PLG: variants seen among roughly 807,000 people sequenced by gnomAD.
PLG encodes the protein plasminogen, also known as plasmin.
A neutral mutation model predicts 104.4 loss-of-function variants in PLG; 41 were observed. That is an observed-to-expected ratio of 0.39 (90% CI 0.31 to 0.51). PLG has a LOEUF of 0.51. PLG is among the 20% of genes least tolerant of loss of function. PLG has a pLI of 0.76. For missense variants in PLG, 891 were observed against 1,003.6 expected, an observed-to-expected ratio of 0.89 and a Z score of 1.52; for synonymous variants, 337 against 357.1, an observed-to-expected ratio of 0.94 and a Z score of 0.63.
chr6:160,714,684 G>A, intron 5 of PLG, 110 bp from the exon 6 acceptor site: 2 of 1,005,352 alleles, frequency 2.0e-6, no homozygotes, highest in South Asian at 2.8e-5. Context: ...ACATCGGAAT[G>A]AGAGGCAAGT....
chr6:160,753,434 G>A lies in PLG; in HGVS notation c.*373G>A, dbSNP rs189281351. 8.7e-5 allele frequency: 31 copies of A among 354,490 alleles called. No homozygotes were observed. In the East Asian group the frequency reaches 2.0e-3, roughly 23 times the overall value. 22.0% of individuals were successfully genotyped at this position (354,490 alleles called of 1,614,324 possible). A position where few individuals can be genotyped will look rare whatever the true frequency, so the allele number is the denominator to read the frequency against. ...GAGCAGGCTGCAAGGTCACAGAGGG[G>A]AGAGCCAAGAAGTTGTCCACGCATT... On this transcript the variant is annotated 3_prime_UTR_variant, in exon 19 of 19. Transcript: ENST00000308192. This position sits in a 1 kb window ranked among gnomAD's most constrained non-coding sequence, Gnocchi z 5.4.
rs1778114625 is a variant in PLG, at chr6:160,737,944, A to C, written c.1803-594A>C. On this transcript the variant is annotated intron_variant, in intron 14 of 18. Coordinates refer to ENST00000308192, the MANE Select transcript of PLG (RefSeq NM_000301.5). This position sits in a 1 kb window ranked among gnomAD's most constrained non-coding sequence, Gnocchi z 4.7. ...ACTTATCAACATGCTACCATCATGC[A>C]CTTCCTATCTCTATTCCTCTTCTTT... Among the ~76,000 whole-genome samples the C allele has an allele frequency of 6.7e-6, 1 of 149,960 alleles. No homozygotes were observed. Among genetic ancestry groups the C allele is most frequent in the South Asian group, 2.1e-4 (1 of 4,798 alleles).
chr6:160,711,607 A>C (rs1429098950), intron 4 of PLG: 1 of 1,610,258 alleles, frequency 6.2e-7, no homozygotes, highest in Non-Finnish European at 8.5e-7. Flanking sequence ...TTTGATGTCG[A>C]TGTTCAACTA....
rs375134000 is a variant in PLG at position 160,741,285 on chromosome 6, C to T, written c.2019-26C>T. On this transcript the variant is annotated intron_variant, in intron 16 of 18. Transcript: ENST00000308192. This position sits in a 1 kb window ranked among gnomAD's most constrained non-coding sequence, Gnocchi z 4.7. ...TGCAGCTGCGAGCAGAGCAGTCAAACATAACTGCTGATGCTTTTCTTTCAG... is the reference window on the plus strand; with the variant it reads ...TGCAGCTGCGAGCAGAGCAGTCAAATATAACTGCTGATGCTTTTCTTTCAG... 22 of 1,440,386 alleles carry T rather than the reference C, an allele frequency of 1.5e-5. No individual in the cohort carries two copies. Among genetic ancestry groups the T allele is most frequent in the Admixed American group, 5.0e-5 (3 of 59,786 alleles). The allele number at this position is 1,440,386 out of a possible 1,614,324, so 89.2% of individuals were successfully genotyped here.
At chr6:160,713,516 G>A in intron 5 of PLG, 1 of 235,970 alleles carries the variant, frequency 4.2e-6, no homozygotes, top group South Asian at 5.7e-5. Context: ...TGATCCGCCT[G>A]CCTCAGCCTC....
intron 1 of PLG, chr6:160,705,415 AC>A: frequency 6.6e-6 from 1 of 152,248 alleles, no homozygotes; most frequent in Non-Finnish European, 1.5e-5. Context: ...AAAAACCAAG[AC>A]CAGTATTTGT....
At chr6:160,751,910 C>A (rs783173) in intron 17 of PLG, among the ~76,000 whole-genome samples, 1 of 151,988 alleles carries the variant, frequency 6.6e-6, no homozygotes, top group Non-Finnish European at 1.5e-5. Flanking sequence ...CGACAAAGCC[C>A]AGATTGTTAA....
rs1321091242 is a variant in PLG, at chr6:160,726,160, A to G, written c.1256+3593A>G. Among the ~76,000 whole-genome samples the G allele has an allele frequency of 2.0e-5, 3 of 152,182 alleles. No individual in the cohort carries two copies. Among genetic ancestry groups the G allele is most frequent in the Non-Finnish European group, 4.4e-5 (3 of 67,966 alleles). On this transcript the variant is annotated intron_variant, in intron 10 of 18. Transcript: ENST00000308192. This position sits in a 1 kb window ranked among gnomAD's most constrained non-coding sequence, Gnocchi z 4.4. The stretch of plus-strand genomic sequence containing the variant: ...CTGCAGAATACACATTCAAGTATGC[A>G]TGGAGCATTCCCCAACATATACCAT...
intron 4 of PLG, 139 bp from the exon 5 acceptor site, chr6:160,712,847 A>G: frequency 1.4e-6 from 1 of 720,844 alleles, no homozygotes; most frequent in East Asian, 2.5e-5. Context: ...AAATCTGACC[A>G]CACAAATGCT....
At chr6:160,733,384 G>A (rs1296738730) in intron 12 of PLG, among the ~76,000 whole-genome samples, 1 of 152,116 alleles carries the variant, frequency 6.6e-6, no homozygotes, top group Non-Finnish European at 1.5e-5. Flanking sequence ...GCCTCCACTG[G>A]GTCAGGCTCC....
In PLG at chr6:160,722,477, C is replaced by T. The variant is rs1373200727; in HGVS notation, c.1166C>T (p.Ser389Phe). The change falls in exon 10 of 19, where the codon TCC becomes TTC. Residue 389 changes from serine to phenylalanine, a missense_variant. Physicochemically the swap from Ser to Phe is radical, Grantham distance 155. Around this residue, in one of 2 missense-constraint regions of PLG, gnomAD observed 854 missense variants for 932.1 expected, o/e 0.92. Transcript: ENST00000308192. ...HGDGQSYRGT[S>F]STTTTGKKCQ... ...GATGGACAGAGCTACCGAGGCACAT[C>T]CTCCACCACCACCACAGGAAAGAAG... The T allele has an allele frequency of 1.9e-6, 3 of 1,612,540 alleles. No individual in the cohort carries two copies. The highest frequency in any genetic ancestry group is 4.5e-5 in the East Asian group (2 of 44,856).
intron 4 of PLG, chr6:160,711,766 T>C (rs562118638): frequency 6.3e-7 from 1 of 1,597,860 alleles, no homozygotes; most frequent in African/African-American, 1.4e-5. Context: ...AGATCAAAGA[T>C]GACTATGTTT....
In PLG at chr6:160,737,923, A is replaced by G. The variant is rs538015243; in HGVS notation, c.1803-615A>G. ...TGGTGGTCTACGTCCTCACTGACTT[A>G]TCAACATGCTACCATCATGCACTTC... On this transcript the variant is annotated intron_variant, in intron 14 of 18. Transcript: ENST00000308192. The surrounding 1 kb of genome is among the most constrained non-coding windows in gnomAD (Gnocchi z 4.7). 1.3e-5 allele frequency among the ~76,000 whole-genome samples: 2 copies of G among 152,316 alleles called. No homozygotes were observed. Among genetic ancestry groups the G allele is most frequent in the South Asian group, 4.1e-4 (2 of 4,824 alleles).
intron 9 of PLG, among the ~76,000 whole-genome samples, chr6:160,720,717 C>A (rs1399871555): frequency 6.6e-6 from 1 of 152,026 alleles, no homozygotes; most frequent in Admixed American, 6.6e-5. Flanking sequence ...CCGTGCCCAG[C>A]CTAGATTGTT....
At chr6:160,713,195 C>G in intron 5 of PLG, 70 bp downstream of exon 5, 1 of 1,169,406 alleles carries the variant, frequency 8.6e-7, no homozygotes, top group South Asian at 1.2e-5. Flanking sequence ...TGTAAAGCCC[C>G]TTCCCACAGG....
In PLG at chr6:160,748,440, G is replaced by GGGA. The variant is rs1562383567; in HGVS notation, c.2126-3675_2126-3674insGGA. ...AGGGAAAGAAAGAGAACGAAAGAAA[G>GGGA]AAGGGAGGGAGGGAGGGAGGGAGGG... On this transcript the variant is annotated intron_variant, in intron 17 of 18. Coordinates refer to ENST00000308192, the MANE Select transcript of PLG (RefSeq NM_000301.5). Among the ~76,000 whole-genome samples, 66 of 69,416 alleles carry GGGA rather than the reference G, an allele frequency of 9.5e-4. 11 individuals carry two copies. The East Asian group carries it at 0.017, about 18-fold the overall frequency. 45.5% of individuals were successfully genotyped at this position (69,416 alleles called of 152,430 possible).
In PLG at chr6:160,739,524, G is replaced by A. The variant is rs1204170334; in HGVS notation, c.2018+316G>A. On this transcript the variant is annotated intron_variant, in intron 16 of 18. Transcript: ENST00000308192. The surrounding 1 kb of genome is among the most constrained non-coding windows in gnomAD (Gnocchi z 4.4). ...ATCAGAGAACGATTCAGTTATTCCA[G>A]GCTGACAATTCCCCCTTCATCATAA... 6.6e-6 allele frequency among the ~76,000 whole-genome samples: 1 copy of A among 152,100 alleles called. No individual in the cohort carries two copies. Among genetic ancestry groups the A allele is most frequent in the Non-Finnish European group, 1.5e-5 (1 of 68,026 alleles).
In PLG at chr6:160,723,330, AC is replaced by A. The variant is rs1777876415; in HGVS notation, c.1256+764del. On this transcript the variant is annotated intron_variant, in intron 10 of 18. Transcript: ENST00000308192. This position sits in a 1 kb window ranked among gnomAD's most constrained non-coding sequence, Gnocchi z 4.7. ...TTAGATGAACAGAAAACCAGGTCTAACAAGGACAGCTTTTCTTCCATAAATG... is the reference window on the plus strand; with the variant it reads ...TTAGATGAACAGAAAACCAGGTCTAAAAGGACAGCTTTTCTTCCATAAATG... Among the ~76,000 whole-genome samples, 1 of 152,218 alleles carries A rather than the reference AC, an allele frequency of 6.6e-6. No individual in the cohort carries two copies. The highest frequency in any genetic ancestry group is 2.1e-4 in the South Asian group (1 of 4,834).
chr6:160,718,681 C>T lies in PLG; in HGVS notation c.951-12C>T. 1 of 1,613,926 alleles carries T rather than the reference C, an allele frequency of 6.2e-7. No individual in the cohort carries two copies. Among genetic ancestry groups the T allele is most frequent in the Non-Finnish European group, 8.5e-7 (1 of 1,179,836 alleles). ...TTTTGGAAAGCTAAACTCACAATCA[C>T]TTCTTTTTCAGAAATTTGGATGAAA... is the stretch of plus-strand genomic sequence containing the variant. On this transcript the variant is annotated splice_polypyrimidine_tract_variant and intron_variant, in intron 8 of 18. Coordinates refer to ENST00000308192, the MANE Select transcript of PLG (RefSeq NM_000301.5).
Sources: allele counts gnomAD v4.1 joint callset (sites outside exome capture counted in the v4.1 genomes callset), GRCh38; gene constraint gnomAD v4.1.1; regional missense constraint gnomAD v4.1.1; non-coding constraint Gnocchi (gnomAD v3.1); transcripts MANE v1.5; gene names NCBI Gene and HGNC (gene_info 2026-07-23, HGNC 2026-07-21).